Variants in SAMD5 observed in about 807,000 individuals in gnomAD.
SAMD5 encodes sterile alpha motif domain containing 5, also known as sterile alpha motif domain-containing protein 5.
In SAMD5, 13 loss-of-function variants were observed where a neutral mutation model predicts 11.3. That is an observed-to-expected ratio of 1.15 (90% CI 0.75 to 1.83). SAMD5 has a LOEUF of 1.83. Ranked by LOEUF, SAMD5 falls within the 40% of genes most tolerant of loss-of-function variation. SAMD5 has a pLI of 0.00. For synonymous variants in SAMD5, 129 were observed against 111.3 expected, an observed-to-expected ratio of 1.16 and a Z score of -1.00; for missense variants, 255 against 239.1, an observed-to-expected ratio of 1.07 and a Z score of -0.44.
At chr6:147,600,271 T>C (rs762341280) in intron 1 of SAMD5, among the ~76,000 whole-genome samples, 1 of 152,204 alleles carries the variant, frequency 6.6e-6, no homozygotes, top group Non-Finnish European at 1.5e-5. Flanking sequence ...ACCCCTCGTC[T>C]CCCAGGTATC....
the SAMD5 span, among the ~76,000 whole-genome samples, chr6:147,840,836 A>G: frequency 1.3e-5 from 2 of 152,236 alleles, no homozygotes; most frequent in African/African-American, 4.8e-5. Flanking sequence ...GTTTTGCTTA[A>G]TGCTCTGAAA....
chr6:147,664,507 T>C (rs10457817), intron 1 of SAMD5, among the ~76,000 whole-genome samples: 41,364 of 152,058 alleles, frequency 0.27, 7,041 homozygotes, highest in Middle Eastern at 0.4. Context: ...CATGGAAAAA[T>C]GTTAATATGT....
chr6:147,604,329 A>C (rs140517488), intron 1 of SAMD5, among the ~76,000 whole-genome samples: 2 of 152,084 alleles, frequency 1.3e-5, no homozygotes, highest in African/African-American at 4.8e-5. Flanking sequence ...TAAAGACCTG[A>C]CAGTTTTTGA....
At chr6:147,757,526 C>T in the SAMD5 span, among the ~76,000 whole-genome samples, 1 of 152,208 alleles carries the variant, frequency 6.6e-6, no homozygotes, top group Non-Finnish European at 1.5e-5. Flanking sequence ...TATAAGCCAA[C>T]ACTGGTTTAA....
At chr6:147,584,039 A>T (rs1427214898) in intron 1 of SAMD5, among the ~76,000 whole-genome samples, 2 of 152,008 alleles carry the variant, frequency 1.3e-5, no homozygotes, top group Non-Finnish European at 2.9e-5. Flanking sequence ...TTTAGAAAAA[A>T]ATATATATAT....
At chr6:147,762,373 A>G in the SAMD5 span, among the ~76,000 whole-genome samples, 1 of 151,480 alleles carries the variant, frequency 6.6e-6, no homozygotes, top group Admixed American at 6.6e-5. Flanking sequence ...TAATTTTTGT[A>G]TTTTTAGTAG....
intron 1 of SAMD5, among the ~76,000 whole-genome samples, chr6:147,681,093 A>C (rs1217539824): frequency 6.6e-6 from 1 of 152,150 alleles, no homozygotes; most frequent in African/African-American, 2.4e-5. Context: ...AGTGTTTAGT[A>C]CAGTTTACCA....
the SAMD5 span, among the ~76,000 whole-genome samples, chr6:147,922,134 C>T: frequency 6.6e-6 from 1 of 152,056 alleles, no homozygotes; most frequent in Non-Finnish European, 1.5e-5. Flanking sequence ...ATTGAGGTCC[C>T]GCTCTGAGTC....
intron 1 of SAMD5, among the ~76,000 whole-genome samples, chr6:147,545,804 T>G (rs1424370225): frequency 6.6e-6 from 1 of 152,198 alleles, no homozygotes; most frequent in Non-Finnish European, 1.5e-5. Flanking sequence ...TTTCTTTATA[T>G]TTTATGTAAG....
chr6:147,889,730 C>T, the SAMD5 span, among the ~76,000 whole-genome samples: 134 of 152,334 alleles, frequency 8.8e-4, no homozygotes, highest in African/African-American at 3.1e-3. Context: ...TGAGAACACA[C>T]ACTACTCCTG....
Position 147,569,082 on chromosome 6 carries a change from T to C in SAMD5, c.*4626T>C, listed in dbSNP as rs961331448. 2.2e-5 allele frequency: 4 copies of C among 179,084 alleles called. No homozygotes were observed. The highest frequency in any genetic ancestry group is 4.3e-5 in the Non-Finnish European group (4 of 92,790). 11.1% of individuals were successfully genotyped at this position (179,084 alleles called of 1,614,324 possible). On this transcript the variant is annotated 3_prime_UTR_variant, in exon 2 of 2. Transcript: ENST00000367474. ...TGTCTACTAAAAATACAAAAAAAAT[T>C]AGCTGAGTGTGGTGGTGTGCGCCTG...
chr6:147,634,951 C>A (rs1021029375), intron 1 of SAMD5, among the ~76,000 whole-genome samples: 3 of 143,944 alleles, frequency 2.1e-5, no homozygotes, highest in Admixed American at 7.1e-5. Flanking sequence ...CACAGAGGAC[C>A]TTTGCCTGAA....
chr6:147,672,199 A>G (rs1030643738), intron 1 of SAMD5, among the ~76,000 whole-genome samples: 5 of 151,838 alleles, frequency 3.3e-5, no homozygotes, highest in Non-Finnish European at 2.9e-5. Flanking sequence ...TGAATGGAAA[A>G]TTTTCCATTA....
At chr6:147,542,040 C>G (rs958391881) in intron 1 of SAMD5, among the ~76,000 whole-genome samples, 9 of 152,144 alleles carry the variant, frequency 5.9e-5, no homozygotes, top group Admixed American at 3.3e-4. Flanking sequence ...ACTCACCAAT[C>G]CAGACACCCC....
chr6:147,553,099 C>T lies in SAMD5; in HGVS notation c.460-11295C>T, dbSNP rs143972823. 3.3e-3 allele frequency among the ~76,000 whole-genome samples: 496 copies of T among 152,270 alleles called. 4 individuals carry two copies. Among genetic ancestry groups the T allele is most frequent in the Non-Finnish European group, 5.5e-3 (373 of 68,018 alleles). ...AAAATCAACCAGTTATATAGGCTTC[C>T]ACTGTGCCAGATACTGTTCTAAACA... On this transcript the variant is annotated intron_variant, in intron 1 of 1. Coordinates refer to ENST00000367474, the MANE Select transcript of SAMD5 (RefSeq NM_001030060.3).
intron 1 of SAMD5, among the ~76,000 whole-genome samples, chr6:147,528,935 A>C (rs980768181): frequency 2.6e-5 from 4 of 152,204 alleles, no homozygotes; most frequent in African/African-American, 7.2e-5. Context: ...CTCCCAATTC[A>C]CATGGTCCTG....
chr6:147,704,970 G>A (rs750707345), intron 1 of SAMD5, among the ~76,000 whole-genome samples: 1 of 152,170 alleles, frequency 6.6e-6, no homozygotes, highest in Non-Finnish European at 1.5e-5. Context: ...CAGTAACTAT[G>A]GCTGTTGGCA....
intron 1 of SAMD5, chr6:147,676,025 G>A (rs185871844): frequency 4.1e-4 from 63 of 152,232 alleles, no homozygotes; most frequent in Non-Finnish European, 7.8e-4. Flanking sequence ...TGGTGAAAGC[G>A]TGGAGTAAGT....
At chr6:147,752,515 G>T in the SAMD5 span, among the ~76,000 whole-genome samples, 1 of 152,020 alleles carries the variant, frequency 6.6e-6, no homozygotes, top group South Asian at 2.1e-4. Context: ...CCCTTTTCTG[G>T]TATTGATAGA....
Sources: gnomAD v4.1 joint callset for allele counts (sites outside exome capture counted in the v4.1 genomes callset) on GRCh38, gnomAD v4.1.1 for gene constraint, MANE v1.5 for transcripts, NCBI Gene and HGNC (gene_info 2026-07-23, HGNC 2026-07-21) for gene names.